Variants in KDM4C observed in about 807,000 individuals in gnomAD.
KDM4C encodes lysine demethylase 4C.
A neutral mutation model predicts 129.3 loss-of-function variants in KDM4C; 81 were observed. The ratio of observed to expected loss-of-function variants is 0.63; its 90% confidence interval spans 0.52 to 0.75. KDM4C has a LOEUF of 0.75. Among genes scored for constraint, KDM4C ranks in the 30% least tolerant of loss-of-function variants. The pLI is 0.00. For synonymous variants in KDM4C, 573 were observed against 456.1 expected, an observed-to-expected ratio of 1.26 and a Z score of -3.26; for missense variants, 1,457 against 1,304.0, an observed-to-expected ratio of 1.12 and a Z score of -1.81.
intron 15 of KDM4C, among the ~76,000 whole-genome samples, chr9:7,037,444 C>G (rs1827850240): frequency 1.3e-5 from 2 of 152,144 alleles, no homozygotes; most frequent in Admixed American, 6.6e-5. Flanking sequence ...TACAACAATG[C>G]TGTTCTCACC....
chr9:6,782,674 C>A (rs1563993766), intron 1 of KDM4C, among the ~76,000 whole-genome samples: 1 of 151,970 alleles, frequency 6.6e-6, no homozygotes, highest in Non-Finnish European at 1.5e-5. Context: ...CAAAAGGGGT[C>A]TTTGAGGAGG....
At chr9:7,130,510 A>C (rs2133366477) in intron 19 of KDM4C, among the ~76,000 whole-genome samples, 1 of 152,338 alleles carries the variant, frequency 6.6e-6, no homozygotes, top group Non-Finnish European at 1.5e-5. Flanking sequence ...CACAGAAGCT[A>C]ACCCGCAGAA....
chr9:6,895,219 G>T (rs1026162342), intron 8 of KDM4C, among the ~76,000 whole-genome samples: 4 of 152,192 alleles, frequency 2.6e-5, no homozygotes, highest in African/African-American at 7.2e-5. Flanking sequence ...TCATGGTTCT[G>T]TAGGTAATAG....
intron 8 of KDM4C, among the ~76,000 whole-genome samples, chr9:6,934,917 C>G (rs1204597576): frequency 6.6e-6 from 1 of 150,820 alleles, no homozygotes; most frequent in East Asian, 1.9e-4. Context: ...TACCAGATTT[C>G]TTTATTCTCA....
intron 8 of KDM4C, among the ~76,000 whole-genome samples, chr9:6,937,824 G>A (rs908314693): frequency 1.3e-5 from 2 of 152,064 alleles, no homozygotes; most frequent in South Asian, 2.1e-4. Context: ...CAATTTTCCT[G>A]CCCCAGCCTC....
At chr9:6,942,940 C>A (rs7037266) in intron 8 of KDM4C, among the ~76,000 whole-genome samples, 61,967 of 151,964 alleles carry the variant, frequency 0.41, 13,140 homozygotes, top group East Asian at 0.71. Flanking sequence ...ATCACGGCCC[C>A]TTGTAGCCCC....
At chr9:7,151,712 C>G (rs1264062387) in intron 19 of KDM4C, among the ~76,000 whole-genome samples, 1 of 152,158 alleles carries the variant, frequency 6.6e-6, no homozygotes, top group Non-Finnish European at 1.5e-5. Context: ...GGACAGTAGA[C>G]TTGGATAGAC....
intron 5 of KDM4C, among the ~76,000 whole-genome samples, chr9:6,876,975 T>C (rs1257549339): frequency 6.6e-6 from 1 of 152,198 alleles, no homozygotes; most frequent in East Asian, 1.9e-4. Flanking sequence ...TTCTTAGATA[T>C]GGTAATTAGA....
chr9:6,930,394 A>T (rs1196666913), intron 8 of KDM4C, among the ~76,000 whole-genome samples: 2 of 152,068 alleles, frequency 1.3e-5, no homozygotes, highest in Admixed American at 6.6e-5. Context: ...AATACAGTGA[A>T]TATGTGGAAA....
chr9:6,728,493 C>A (rs887407373), intron 1 of KDM4C, among the ~76,000 whole-genome samples: 14 of 151,710 alleles, frequency 9.2e-5, no homozygotes, highest in Non-Finnish European at 1.5e-5. Context: ...GAGATCACGC[C>A]ACTGCACTCC....
intron 1 of KDM4C, among the ~76,000 whole-genome samples, chr9:6,762,370 G>A (rs901392303): frequency 1.3e-5 from 2 of 151,106 alleles, no homozygotes; most frequent in Non-Finnish European, 2.9e-5. Context: ...TGGGGTCTCA[G>A]TGTGTTGCTC....
chr9:7,023,343 G>T (rs1825216874), intron 15 of KDM4C, among the ~76,000 whole-genome samples: 1 of 151,964 alleles, frequency 6.6e-6, no homozygotes, highest in Non-Finnish European at 1.5e-5. Flanking sequence ...TTGGGTTTTG[G>T]ATTTCTTTAT....
chr9:6,998,548 C>A (rs1417422320), intron 12 of KDM4C, among the ~76,000 whole-genome samples: 1 of 152,174 alleles, frequency 6.6e-6, no homozygotes, highest in Non-Finnish European at 1.5e-5. Context: ...GTAATCCCAG[C>A]ACTTTGGGAG....
intron 19 of KDM4C, among the ~76,000 whole-genome samples, chr9:7,161,855 T>G (rs1843833213): frequency 6.6e-6 from 1 of 152,232 alleles, no homozygotes; most frequent in Non-Finnish European, 1.5e-5. Context: ...TCTAGTCTCA[T>G]TCTTGTTTAA....
Position 6,967,779 on chromosome 9 carries a change from A to G in KDM4C, c.922-13146A>G, listed in dbSNP as rs73397822. ...GTTCAGAAGATCCGGGATGATACAC[A>G]TTATTAGTACTCCATATCCTGGATT... is the stretch of plus-strand genomic sequence containing the variant. On this transcript the variant is annotated intron_variant, in intron 8 of 21. Coordinates refer to ENST00000381309, the MANE Select transcript of KDM4C (RefSeq NM_015061.6). Among the ~76,000 whole-genome samples, 1,284 of 152,292 alleles carry G rather than the reference A, an allele frequency of 8.4e-3. 24 individuals are homozygous for G. The highest frequency in any genetic ancestry group is 0.029 in the African/African-American group (1,226 of 41,566).
chr9:7,025,400 T>C (rs1258938368), intron 15 of KDM4C, among the ~76,000 whole-genome samples: 3 of 152,212 alleles, frequency 2.0e-5, no homozygotes, highest in Non-Finnish European at 4.4e-5. Flanking sequence ...ATTGTATTGT[T>C]TGTCTTTTGC....
intron 1 of KDM4C, among the ~76,000 whole-genome samples, chr9:6,772,272 C>G (rs1822007807): frequency 6.6e-6 from 1 of 151,902 alleles, no homozygotes; most frequent in African/African-American, 2.4e-5. Context: ...GCCTCAGCCT[C>G]CTGAGTAGCT....
intron 8 of KDM4C, among the ~76,000 whole-genome samples, chr9:6,952,398 AGTGTGTAT>A (rs990902567): frequency 7.7e-6 from 1 of 130,478 alleles, no homozygotes; most frequent in African/African-American, 2.9e-5. Context: ...AATTGTTCAC[AGTGTGTAT>A]GTGTGTATAT....
chr9:6,996,258 C>G (rs1819727383), intron 12 of KDM4C, among the ~76,000 whole-genome samples: 1 of 152,190 alleles, frequency 6.6e-6, no homozygotes, highest in South Asian at 2.1e-4. Context: ...ACGCCAACTC[C>G]AGAACTTCCC....
Sources: allele counts gnomAD v4.1 joint callset (sites outside exome capture counted in the v4.1 genomes callset), GRCh38; gene constraint gnomAD v4.1.1; transcripts MANE v1.5; gene names NCBI Gene and HGNC (gene_info 2026-07-23, HGNC 2026-07-21).